Variants in ARHGAP39 observed in about 807,000 individuals in gnomAD.
ARHGAP39 encodes the protein rho GTPase-activating protein 39.
A neutral mutation model predicts 106.9 loss-of-function variants in ARHGAP39; 44 were observed. That is an observed-to-expected ratio of 0.41 (90% CI 0.32 to 0.53). ARHGAP39 has a LOEUF of 0.53. Among genes scored for constraint, ARHGAP39 ranks in the 20% least tolerant of loss-of-function variants. ARHGAP39 has a pLI of 0.21. For missense variants in ARHGAP39, 1,496 were observed against 1,577.3 expected (o/e 0.95, Z 0.87); for synonymous variants, 768 against 693.2 (o/e 1.11, Z -1.69).
intron 3 of ARHGAP39, among the ~76,000 whole-genome samples, chr8:144,578,665 T>C (rs775530842): frequency 6.6e-6 from 1 of 151,884 alleles, no homozygotes; most frequent in Non-Finnish European, 1.5e-5. Context: ...CTGGGCAACA[T>C]AGTGAAACCC....
In ARHGAP39 at chr8:144,578,772, C is replaced by T. The variant is rs142362715; in HGVS notation, c.512+2074G>A. On this transcript the variant is annotated intron_variant, in intron 3 of 11. Coordinates refer to ENST00000377307, the MANE Select transcript of ARHGAP39 (RefSeq NM_025251.3). ...GGTCTGAGGTGGGAGGTCACTGGGC[C>T]CGGGAGGTGAGGGCTGCAGTGAGAT... is the stretch of plus-strand genomic sequence containing the variant. Among the ~76,000 whole-genome samples the T allele has an allele frequency of 5.3e-3, 794 of 151,236 alleles. 5 individuals are homozygous for T. Among genetic ancestry groups the T allele is most frequent in the Non-Finnish European group, 9.9e-3 (672 of 67,814 alleles).
In ARHGAP39 at chr8:144,670,297, C is replaced by G. The variant is rs1822070296; in HGVS notation, c.-82+15389G>C. On this transcript the variant is annotated intron_variant, in intron 1 of 11. Transcript: ENST00000377307. The surrounding 1 kb of genome is among the most constrained non-coding windows in gnomAD (Gnocchi z 4.4). ...GAGCTCGGACGCGTGCTAGAGTGTA[C>G]CGGGAAGCAGGATCAGCACCTGGGA... is the stretch of plus-strand genomic sequence containing the variant. 6.6e-6 allele frequency among the ~76,000 whole-genome samples: 1 copy of G among 152,162 alleles called. No homozygotes were observed. Among genetic ancestry groups the G allele is most frequent in the Non-Finnish European group, 1.5e-5 (1 of 68,034 alleles).
intron 1 of ARHGAP39, among the ~76,000 whole-genome samples, chr8:144,631,013 G>C (rs528434624): frequency 6.6e-6 from 1 of 152,384 alleles, no homozygotes; most frequent in South Asian, 2.1e-4. Context: ...GCCTCAGGTA[G>C]CTCTGACTCA....
the ARHGAP39 span, among the ~76,000 whole-genome samples, chr8:144,694,718 G>C: frequency 6.6e-6 from 1 of 152,174 alleles, no homozygotes; most frequent in Non-Finnish European, 1.5e-5. Context: ...TTTCATGGCA[G>C]TGCGGCAAAA....
In ARHGAP39 at chr8:144,604,600, C is replaced by T. The variant is rs1184484064; in HGVS notation, c.80+935G>A. 6.6e-6 allele frequency among the ~76,000 whole-genome samples: 1 copy of T among 152,088 alleles called. No homozygotes were observed. Among genetic ancestry groups the T allele is most frequent in the Non-Finnish European group, 1.5e-5 (1 of 68,016 alleles). On this transcript the variant is annotated intron_variant, in intron 2 of 11. Coordinates refer to ENST00000377307, the MANE Select transcript of ARHGAP39 (RefSeq NM_025251.3). This position sits in a 1 kb window ranked among gnomAD's most constrained non-coding sequence, Gnocchi z 4.1. ...GCTAGGTTGCCCAGGCTGGGATGATCTGTTTTAAATAGGGTGACTATTACC... is the reference window on the plus strand; with the variant it reads ...GCTAGGTTGCCCAGGCTGGGATGATTTGTTTTAAATAGGGTGACTATTACC...
Position 144,645,298 on chromosome 8 carries a change from A to G in ARHGAP39, c.-81-39603T>C, listed in dbSNP as rs981948616. Among the ~76,000 whole-genome samples the G allele has an allele frequency of 6.6e-6, 1 of 152,264 alleles. No individual in the cohort carries two copies. The highest frequency in any genetic ancestry group is 1.5e-5 in the Non-Finnish European group (1 of 68,050). On this transcript the variant is annotated intron_variant, in intron 1 of 11. Coordinates refer to ENST00000377307, the MANE Select transcript of ARHGAP39 (RefSeq NM_025251.3). The surrounding 1 kb of genome is among the most constrained non-coding windows in gnomAD (Gnocchi z 4.4). The stretch of plus-strand genomic sequence containing the variant: ...GAAGGCACGAGAAGTCCAGGTGTCA[A>G]GGAGAGGTTGGCCATGAGGTCAGAT...
chr8:144,599,842 G>A (rs377394009), intron 2 of ARHGAP39, among the ~76,000 whole-genome samples: 1 of 152,208 alleles, frequency 6.6e-6, no homozygotes, highest in African/African-American at 2.4e-5. Context: ...ATATATTTTT[G>A]TAGTGGAATG....
At chr8:144,566,376 C>A (rs938451737) in intron 3 of ARHGAP39, among the ~76,000 whole-genome samples, 2 of 152,048 alleles carry the variant, frequency 1.3e-5, no homozygotes, top group African/African-American at 4.8e-5. Flanking sequence ...CCACCCTGGG[C>A]AACATGGTAA....
intron 1 of ARHGAP39, among the ~76,000 whole-genome samples, chr8:144,629,201 C>T (rs539422855): frequency 6.6e-5 from 10 of 152,360 alleles, no homozygotes; most frequent in South Asian, 2.1e-4. Context: ...TCTTCTGTAA[C>T]GGAAGGTTTT....
intron 3 of ARHGAP39, among the ~76,000 whole-genome samples, chr8:144,579,763 C>A (rs1210451068): frequency 6.6e-6 from 1 of 152,162 alleles, no homozygotes; most frequent in Non-Finnish European, 1.5e-5. Flanking sequence ...CTCCTTCCCA[C>A]CTCTGCAGAA....
At chr8:144,618,853 C>T (rs913659555) in intron 1 of ARHGAP39, among the ~76,000 whole-genome samples, 3 of 152,252 alleles carry the variant, frequency 2.0e-5, no homozygotes, top group South Asian at 2.1e-4. Flanking sequence ...TGAGCAGGAC[C>T]GCGGGCGCAC....
chr8:144,637,712 T>TC (rs35653042), intron 1 of ARHGAP39, among the ~76,000 whole-genome samples: 17 of 148,342 alleles, frequency 1.1e-4, no homozygotes, highest in Non-Finnish European at 2.6e-4. Context: ...TCTCTCTCTC[T>TC]TTTTTTTTTA....
intron 1 of ARHGAP39, among the ~76,000 whole-genome samples, chr8:144,608,284 G>GCAGT (rs1237971333): frequency 1.3e-4 from 20 of 151,792 alleles, no homozygotes; most frequent in Admixed American, 6.6e-4. Context: ...AAGTAAAACA[G>GCAGT]CAGTATCAGT....
At chr8:144,664,616 A>G (rs1821913511) in intron 1 of ARHGAP39, among the ~76,000 whole-genome samples, 1 of 152,156 alleles carries the variant, frequency 6.6e-6, no homozygotes, top group African/African-American at 2.4e-5. Context: ...ACCCAGGAGG[A>G]GGTAATTGAA....
At chr8:144,681,543 T>A (rs1475412917) in intron 1 of ARHGAP39, among the ~76,000 whole-genome samples, 1 of 152,176 alleles carries the variant, frequency 6.6e-6, no homozygotes, top group Non-Finnish European at 1.5e-5. Flanking sequence ...AAGAGCGTAT[T>A]TCATGGACTT....
chr8:144,606,542 T>C (rs1467702626), intron 1 of ARHGAP39, among the ~76,000 whole-genome samples: 1 of 152,194 alleles, frequency 6.6e-6, no homozygotes, highest in Non-Finnish European at 1.5e-5. Context: ...TGCACGTGAA[T>C]TGACTGTTGT....
At chr8:144,690,775 G>T (rs1471755187), upstream of ARHGAP39, among the ~76,000 whole-genome samples, 1 of 149,978 alleles carries the variant, frequency 6.7e-6, no homozygotes, top group Non-Finnish European at 1.5e-5. Flanking sequence ...CTCCCAAGTA[G>T]CTGGAACTAC....
At chr8:144,544,817 C>A (rs1029859729) in intron 6 of ARHGAP39, among the ~76,000 whole-genome samples, 1 of 152,398 alleles carries the variant, frequency 6.6e-6, no homozygotes, top group Non-Finnish European at 1.5e-5. Context: ...CTGCCAGGAC[C>A]ATGCCCAGAA....
At position 144,576,846 on chromosome 8, in the gene ARHGAP39, C is replaced by T. The variant is rs1818796810; in HGVS notation, c.512+4000G>A. ...TAAAATGATTCACGATTCTCAAAATCTGGCTTCGACTTGTGCAAGATGAGC... is the reference window on the plus strand; with the variant it reads ...TAAAATGATTCACGATTCTCAAAATTTGGCTTCGACTTGTGCAAGATGAGC... On this transcript the variant is annotated intron_variant, in intron 3 of 11. Transcript: ENST00000377307. Among the ~76,000 whole-genome samples, 3 of 152,298 alleles carry T rather than the reference C, an allele frequency of 2.0e-5. 1 individual carries two copies. The South Asian group carries it at 6.2e-4, about 32-fold the overall frequency.
Sources: allele counts gnomAD v4.1 joint callset (sites outside exome capture counted in the v4.1 genomes callset), GRCh38; gene constraint gnomAD v4.1.1; non-coding constraint Gnocchi (gnomAD v3.1); transcripts MANE v1.5; gene names NCBI Gene and HGNC (gene_info 2026-07-23, HGNC 2026-07-21).